Variants in SUPT3H observed in about 807,000 individuals in gnomAD.
SUPT3H encodes the protein transcription initiation protein SPT3 homolog.
In SUPT3H, 44 loss-of-function variants were observed where a neutral mutation model predicts 44.3. That is an observed-to-expected ratio of 0.99 (90% CI 0.78 to 1.28). The LOEUF is 1.28. SUPT3H is among the 50% of genes most tolerant of loss of function. The probability of loss-of-function intolerance (pLI) is 0.00; values close to 1 mark genes in which losing one functional copy is unlikely to be tolerated. For synonymous variants in SUPT3H, 124 were observed against 125.6 expected (o/e 0.99, Z 0.09); for missense variants, 380 against 387.1 (o/e 0.98, Z 0.15).
chr6:45,352,390 T>C (rs924605035), intron 2 of SUPT3H, among the ~76,000 whole-genome samples: 4 of 152,124 alleles, frequency 2.6e-5, no homozygotes, highest in African/African-American at 9.7e-5. Context: ...ACTCTTATTA[T>C]AGATACAAAT....
chr6:45,342,424 G>C (rs1789985601), intron 2 of SUPT3H, among the ~76,000 whole-genome samples: 2 of 152,072 alleles, frequency 1.3e-5, no homozygotes, highest in Non-Finnish European at 2.9e-5. Flanking sequence ...ACCACGCCCA[G>C]ATAATTTTGT....
At chr6:45,153,888 T>A (rs1807353525) in intron 2 of SUPT3H, among the ~76,000 whole-genome samples, 1 of 151,898 alleles carries the variant, frequency 6.6e-6, no homozygotes, top group African/African-American at 2.4e-5. Context: ...ACCAACATGG[T>A]GAAACCCTGT....
At chr6:45,302,865 T>C (rs531889960) in intron 2 of SUPT3H, among the ~76,000 whole-genome samples, 1 of 152,324 alleles carries the variant, frequency 6.6e-6, no homozygotes, top group Non-Finnish European at 1.5e-5. Flanking sequence ...TTTTTTATTT[T>C]TTGATTATGG....
intron 2 of SUPT3H, among the ~76,000 whole-genome samples, chr6:45,107,528 T>G (rs527843913): frequency 8.5e-5 from 13 of 152,266 alleles, no homozygotes; most frequent in African/African-American, 2.2e-4. Flanking sequence ...AAATCTTCCC[T>G]AAGAATTGTT....
At chr6:44,886,244 T>G (rs936853305) in intron 10 of SUPT3H, among the ~76,000 whole-genome samples, 1 of 151,956 alleles carries the variant, frequency 6.6e-6, no homozygotes, top group African/African-American at 2.4e-5. Flanking sequence ...AGGCCAACGT[T>G]CAGATTCAGG....
intron 2 of SUPT3H, among the ~76,000 whole-genome samples, chr6:45,316,773 C>A (rs2150015374): frequency 6.6e-6 from 1 of 152,098 alleles, no homozygotes; most frequent in South Asian, 2.1e-4. Flanking sequence ...AAATGGAAGA[C>A]ACAATTAAAT....
At chr6:45,036,004 C>T (rs1315716183) in intron 3 of SUPT3H, among the ~76,000 whole-genome samples, 1 of 151,884 alleles carries the variant, frequency 6.6e-6, no homozygotes, top group Non-Finnish European at 1.5e-5. Context: ...TATTATAATT[C>T]CTAGGCACAA....
In SUPT3H at chr6:45,154,575, T is replaced by C. The variant is rs1014783155; in HGVS notation, c.102-48569A>G. On this transcript the variant is annotated intron_variant, in intron 2 of 10. Coordinates refer to ENST00000371459, the MANE Select transcript of SUPT3H (RefSeq NM_003599.4). ...TACCTGAGGGAATTTATGTGCATAATAGGACAACTTTTGTTCACAGTGAAG... is the reference window on the plus strand; with the variant it reads ...TACCTGAGGGAATTTATGTGCATAACAGGACAACTTTTGTTCACAGTGAAG... 1.5e-4 allele frequency among the ~76,000 whole-genome samples: 23 copies of C among 152,316 alleles called. 1 individual carries two copies. The highest frequency in any genetic ancestry group is 6.2e-4 in the South Asian group (3 of 4,824).
chr6:44,912,506 T>C (rs1273941154), intron 10 of SUPT3H, among the ~76,000 whole-genome samples: 1 of 152,188 alleles, frequency 6.6e-6, no homozygotes, highest in Non-Finnish European at 1.5e-5. Flanking sequence ...TCAGGGCACA[T>C]TGTAAGAGAT....
chr6:45,114,416 A>C (rs1426453281), intron 2 of SUPT3H, among the ~76,000 whole-genome samples: 1 of 152,172 alleles, frequency 6.6e-6, no homozygotes, highest in Non-Finnish European at 1.5e-5. Context: ...TGCAATGGGC[A>C]GTGTGAAATA....
intron 2 of SUPT3H, among the ~76,000 whole-genome samples, chr6:45,107,990 C>T (rs146764612): frequency 6.6e-6 from 1 of 152,120 alleles, no homozygotes; most frequent in African/African-American, 2.4e-5. Context: ...AATATAATAG[C>T]ATTTAAAAAG....
chr6:45,193,765 G>A lies in SUPT3H; in HGVS notation c.102-87759C>T, dbSNP rs184664363. Among the ~76,000 whole-genome samples, 479 of 152,166 alleles carry A rather than the reference G, an allele frequency of 3.1e-3. 3 individuals are homozygous for A. Among genetic ancestry groups the A allele is most frequent in the African/African-American group, 0.011 (445 of 41,524 alleles). On this transcript the variant is annotated intron_variant, in intron 2 of 10. Transcript: ENST00000371459. Reference sequence around the variant, plus strand: ...TATTCTTGTTAGCTTTCTTAGAAAAGTTCAATCAGTAGAGTCACACCAGGT... The same window carrying A: ...TATTCTTGTTAGCTTTCTTAGAAAAATTCAATCAGTAGAGTCACACCAGGT...
intron 10 of SUPT3H, among the ~76,000 whole-genome samples, chr6:44,930,014 G>T (rs1027597790): frequency 4.6e-5 from 7 of 152,040 alleles, no homozygotes; most frequent in African/African-American, 1.7e-4. Context: ...TTGCGAGGCC[G>T]AGGTGGGTGG....
intron 10 of SUPT3H, among the ~76,000 whole-genome samples, chr6:44,857,443 TA>T (rs760986115): frequency 4.0e-4 from 61 of 152,052 alleles, no homozygotes; most frequent in Admixed American, 2.4e-3. Flanking sequence ...TTTGCTCTAT[TA>T]AAAAAAATCC....
intron 3 of SUPT3H, among the ~76,000 whole-genome samples, chr6:45,021,675 GAC>G (rs1376244439): frequency 6.6e-6 from 1 of 151,912 alleles, no homozygotes; most frequent in Non-Finnish European, 1.5e-5. Context: ...TTTAAAATGT[GAC>G]ACACTATTAT....
At chr6:44,890,772 A>ATAATAAT (rs748587922) in intron 10 of SUPT3H, among the ~76,000 whole-genome samples, 7 of 145,540 alleles carry the variant, frequency 4.8e-5, no homozygotes, top group Non-Finnish European at 7.6e-5. Flanking sequence ...AATAATAATA[A>ATAATAAT]AAAAAAAAGA....
At chr6:45,305,970 C>T (rs1056033855) in intron 2 of SUPT3H, among the ~76,000 whole-genome samples, 5 of 152,220 alleles carry the variant, frequency 3.3e-5, no homozygotes, top group Non-Finnish European at 7.3e-5. Flanking sequence ...TACCTAGGAG[C>T]CTCTCTAATT....
intron 3 of SUPT3H, among the ~76,000 whole-genome samples, chr6:45,068,178 T>C (rs1488365866): frequency 1.2e-3 from 172 of 149,442 alleles, no homozygotes; most frequent in African/African-American, 3.8e-3. Context: ...ATGGATGAAA[T>C]TGGAAATCAT....
chr6:45,223,287 A>G (rs1016134814), intron 2 of SUPT3H, among the ~76,000 whole-genome samples: 5 of 152,200 alleles, frequency 3.3e-5, no homozygotes, highest in African/African-American at 1.2e-4. Flanking sequence ...ACAACCTCTT[A>G]CCATTGGGGG....
Sources: gnomAD v4.1 joint callset for allele counts (sites outside exome capture counted in the v4.1 genomes callset) on GRCh38, gnomAD v4.1.1 for gene constraint, MANE v1.5 for transcripts, NCBI Gene and HGNC (gene_info 2026-07-23, HGNC 2026-07-21) for gene names.